CNIH3: variants seen among roughly 807,000 people sequenced by gnomAD.
CNIH3 encodes cornichon family AMPA receptor auxiliary protein 3, also known as protein cornichon homolog 3.
In CNIH3, 14 loss-of-function variants were observed where a neutral mutation model predicts 24.1. The observed-to-expected ratio is 0.58, with a 90% confidence interval of 0.38 to 0.91. CNIH3 has a LOEUF of 0.91. CNIH3 is among the 40% of genes least tolerant of loss of function. The pLI is 0.00. For missense variants in CNIH3, 178 were observed against 196.8 expected (o/e 0.90, Z 0.57); for synonymous variants, 68 against 73.8 (o/e 0.92, Z 0.40).
intron 2 of CNIH3, among the ~76,000 whole-genome samples, chr1:224,536,502 G>A (rs58814229): frequency 0.06 from 9,113 of 151,874 alleles, 892 homozygotes; most frequent in African/African-American, 0.2. Context: ...TGTTGGTCGG[G>A]CTGGTCTCGA....
At chr1:224,630,073 C>A (rs1196104173) in intron 1 of CNIH3, among the ~76,000 whole-genome samples, 3 of 152,096 alleles carry the variant, frequency 2.0e-5, no homozygotes, top group Non-Finnish European at 4.4e-5. Flanking sequence ...GAGGATTTCA[C>A]CAGGAAGAGA....
rs562652131 is a variant in CNIH3, at chr1:224,493,850, C to T, written n.204-21891C>T. ...CACCTGGAGGAGACTCAATAATTTC[C>T]TCTCCAGTCTGCAAAGGACAGCCCA... On this transcript the variant is annotated intron_variant and non_coding_transcript_variant, in intron 1 of 5. Transcript: ENST00000471578. 9.2e-5 allele frequency among the ~76,000 whole-genome samples: 14 copies of T among 152,250 alleles called. No homozygotes were observed. The East Asian group carries it at 2.5e-3, about 27-fold the overall frequency.
intron 1 of CNIH3, among the ~76,000 whole-genome samples, chr1:224,637,989 G>A (rs565851578): frequency 4.6e-4 from 70 of 152,356 alleles, no homozygotes; most frequent in African/African-American, 1.6e-3. Flanking sequence ...GTAAAATGAA[G>A]CAAATGGGCA....
At chr1:224,482,707 G>T (rs938649347) in intron 1 of CNIH3, among the ~76,000 whole-genome samples, 7 of 151,958 alleles carry the variant, frequency 4.6e-5, no homozygotes, top group East Asian at 3.9e-4. Context: ...ACCTAGTTTT[G>T]GGGGAGAGGT....
chr1:224,538,011 C>T (rs950136585), downstream of CNIH3, among the ~76,000 whole-genome samples: 7 of 151,480 alleles, frequency 4.6e-5, no homozygotes, highest in Non-Finnish European at 8.8e-5. Flanking sequence ...AGTGTAATGG[C>T]GCGATCTTGG....
intron 1 of CNIH3, among the ~76,000 whole-genome samples, chr1:224,675,306 A>G (rs1441380995): frequency 6.6e-6 from 1 of 152,264 alleles, no homozygotes; most frequent in Non-Finnish European, 1.5e-5. Context: ...TCCTAAATCT[A>G]TTAAATAAAT....
At chr1:224,527,019 C>T (rs1307861875) in intron 2 of CNIH3, among the ~76,000 whole-genome samples, 4 of 152,158 alleles carry the variant, frequency 2.6e-5, no homozygotes, top group African/African-American at 7.2e-5. Flanking sequence ...CCATCAGGCC[C>T]GCCTCCAACA....
intron 1 of CNIH3, among the ~76,000 whole-genome samples, chr1:224,454,928 G>T (rs761582477): frequency 6.6e-6 from 1 of 152,108 alleles, no homozygotes; most frequent in Admixed American, 6.6e-5. Context: ...TAACCTGGAG[G>T]GGGTGGTGGC....
At chr1:224,519,440 C>T (rs565009148) in intron 1 of CNIH3, among the ~76,000 whole-genome samples, 13 of 152,104 alleles carry the variant, frequency 8.5e-5, no homozygotes, top group South Asian at 2.1e-4. Context: ...AGCTTGCAGA[C>T]GGCAGATCAT....
At chr1:224,558,531 T>C (rs1680233993) in intron 3 of CNIH3, among the ~76,000 whole-genome samples, 1 of 152,146 alleles carries the variant, frequency 6.6e-6, no homozygotes, top group African/African-American at 2.4e-5. Context: ...ATAAAACTAA[T>C]GAAAAGTTGG....
At chr1:224,435,348 A>C (rs1674604692) in intron 1 of CNIH3, among the ~76,000 whole-genome samples, 1 of 152,168 alleles carries the variant, frequency 6.6e-6, no homozygotes, top group African/African-American at 2.4e-5. Context: ...AGTGCCACAC[A>C]GTTGCTGTAC....
At chr1:224,460,495 T>C (rs1675865184) in intron 1 of CNIH3, among the ~76,000 whole-genome samples, 1 of 152,236 alleles carries the variant, frequency 6.6e-6, no homozygotes. Context: ...TGCTCTTCTT[T>C]TGTCTGTCTT....
At chr1:224,698,877 G>A (rs1687323172) in intron 3 of CNIH3, among the ~76,000 whole-genome samples, 1 of 152,188 alleles carries the variant, frequency 6.6e-6, no homozygotes, top group East Asian at 1.9e-4. Context: ...ATGAATGAGT[G>A]GAACAAACTC....
intron 1 of CNIH3, among the ~76,000 whole-genome samples, chr1:224,449,424 C>T (rs996300447): frequency 1.3e-5 from 2 of 152,138 alleles, no homozygotes; most frequent in Admixed American, 6.5e-5. Flanking sequence ...TTTATTCTAC[C>T]TGGATTAGAC....
intron 1 of CNIH3, among the ~76,000 whole-genome samples, chr1:224,671,015 A>G (rs183086736): frequency 2.6e-5 from 4 of 152,200 alleles, no homozygotes; most frequent in Non-Finnish European, 1.5e-5. Flanking sequence ...CAAAAGACCA[A>G]CTTCCTCCGA....
intron 1 of CNIH3, among the ~76,000 whole-genome samples, chr1:224,483,830 C>A (rs1676916205): frequency 6.6e-6 from 1 of 152,072 alleles, no homozygotes; most frequent in African/African-American, 2.4e-5. Context: ...TGCATTTTTT[C>A]TGATAAGAAA....
chr1:224,686,352 CT>C (rs1686660382), intron 3 of CNIH3, among the ~76,000 whole-genome samples: 1 of 152,120 alleles, frequency 6.6e-6, no homozygotes, highest in Non-Finnish European at 1.5e-5. Context: ...TTTTTTATGG[CT>C]GCATAGTATT....
chr1:224,639,240 T>A (rs1404461886), intron 1 of CNIH3, among the ~76,000 whole-genome samples: 2 of 152,214 alleles, frequency 1.3e-5, no homozygotes, highest in African/African-American at 4.8e-5. Flanking sequence ...TCAAGTGGAT[T>A]TTCAAGTACA....
Position 224,684,995 on chromosome 1 carries a change from C to T in CNIH3, c.198+152C>T. On this transcript the variant is annotated intron_variant, in intron 3 of 5. Transcript: ENST00000272133. The surrounding 1 kb of genome is among the most constrained non-coding windows in gnomAD (Gnocchi z 4.2). ...AAAGGGGGAGGTGGGAGCAAGTGATCAGTTCTTTGGAAACCTCCAGAGACA... is the reference window on the plus strand; with the variant it reads ...AAAGGGGGAGGTGGGAGCAAGTGATTAGTTCTTTGGAAACCTCCAGAGACA... The T allele has an allele frequency of 1.3e-6, 1 of 757,854 alleles. No homozygotes were observed. The highest frequency in any genetic ancestry group is 1.9e-5 in the Admixed American group (1 of 51,412). 46.9% of individuals were successfully genotyped at this position (757,854 alleles called of 1,614,324 possible). A position where few individuals can be genotyped will look rare whatever the true frequency, so the allele number is the denominator to read the frequency against.
Sources: gnomAD v4.1 joint callset for allele counts (sites outside exome capture counted in the v4.1 genomes callset) on GRCh38, gnomAD v4.1.1 for gene constraint, Gnocchi (gnomAD v3.1) non-coding constraint, MANE v1.5 for transcripts, NCBI Gene and HGNC (gene_info 2026-07-23, HGNC 2026-07-21) for gene names.